UXS1: variants seen among roughly 807,000 people sequenced by gnomAD.
The protein encoded by UXS1 is UDP-glucuronic acid decarboxylase 1.
In UXS1, 33 loss-of-function variants were observed where a neutral mutation model predicts 62.6. The ratio of observed to expected loss-of-function variants is 0.53; its 90% CI spans 0.40 to 0.70. The LOEUF (loss-of-function observed/expected upper bound fraction) is 0.70. Ranked by LOEUF, UXS1 falls within the 30% of genes least tolerant of loss-of-function variation. UXS1 has a pLI of 0.00. For synonymous variants in UXS1, 213 were observed against 206.8 expected (o/e 1.03, Z -0.26); for missense variants, 434 against 556.3 (o/e 0.78, Z 2.21).
At position 106,163,720 on chromosome 2, in the gene UXS1, TAATAAC is replaced by T; in HGVS notation, c.187-16_187-11del. The T allele has an allele frequency of 7.0e-7, 1 of 1,422,836 alleles. No individual in the cohort carries two copies. The highest frequency in any genetic ancestry group is 9.3e-7 in the Non-Finnish European group (1 of 1,078,058). 88.1% of individuals were successfully genotyped at this position (1,422,836 alleles called of 1,614,324 possible). On this transcript the variant is annotated splice_polypyrimidine_tract_variant and intron_variant, in intron 3 of 14. Coordinates refer to ENST00000283148, the MANE Select transcript of UXS1 (RefSeq NM_001253875.2). The stretch of plus-strand genomic sequence containing the variant: ...TTAGTGGTTCAACCATCTAGAACAA[TAATAAC>T]AAAAATCAGTTTTAAAGCAAAAACA...
chr2:106,096,926 G>A (rs1292856748), intron 13 of UXS1, 105 bp from the exon 14 acceptor site: 1 of 1,094,114 alleles, frequency 9.1e-7, no homozygotes, highest in African/African-American at 1.6e-5. Flanking sequence ...GTGTGAATAG[G>A]GTGCAGGCGG....
chr2:106,099,403 C>G (rs926247753), intron 12 of UXS1, among the ~76,000 whole-genome samples: 1 of 152,142 alleles, frequency 6.6e-6, no homozygotes, highest in Non-Finnish European at 1.5e-5. Flanking sequence ...CATAAGAGAC[C>G]ACCATAAAGT....
intron 1 of UXS1, among the ~76,000 whole-genome samples, chr2:106,188,739 A>G (rs1168551774): frequency 6.6e-6 from 1 of 152,246 alleles, no homozygotes; most frequent in East Asian, 1.9e-4. Context: ...CACAGAAGGC[A>G]GTGCCCATCC....
chr2:106,181,135 C>T (rs1684216919), intron 1 of UXS1, among the ~76,000 whole-genome samples: 1 of 152,178 alleles, frequency 6.6e-6, no homozygotes, highest in East Asian at 1.9e-4. Context: ...GGGTGGGCTG[C>T]GGAGAGGTCA....
intron 5 of UXS1, among the ~76,000 whole-genome samples, chr2:106,150,307 T>C (rs565934544): frequency 2.6e-5 from 4 of 152,294 alleles, no homozygotes; most frequent in African/African-American, 9.6e-5. Flanking sequence ...GTGCAGACAA[T>C]TGACCCTTTG....
intron 1 of UXS1, among the ~76,000 whole-genome samples, chr2:106,171,435 A>C (rs1183158771): frequency 6.6e-6 from 1 of 152,224 alleles, no homozygotes; most frequent in Non-Finnish European, 1.5e-5. Context: ...GGGAGACTAG[A>C]GGGGAGTCTC....
intron 9 of UXS1, among the ~76,000 whole-genome samples, chr2:106,117,791 T>C (rs1390405210): frequency 6.6e-6 from 1 of 152,204 alleles, no homozygotes; most frequent in Non-Finnish European, 1.5e-5. Context: ...CCCTAGGGCC[T>C]GTCATGCATA....
intron 10 of UXS1, among the ~76,000 whole-genome samples, chr2:106,106,696 G>T (rs1678100347): frequency 6.6e-6 from 1 of 152,174 alleles, no homozygotes; most frequent in Non-Finnish European, 1.5e-5. Flanking sequence ...TGATTCTCTG[G>T]CCTGGCTGAT....
chr2:106,151,630 A>G (rs919624989), intron 5 of UXS1, among the ~76,000 whole-genome samples: 1 of 152,190 alleles, frequency 6.6e-6, no homozygotes, highest in African/African-American at 2.4e-5. Flanking sequence ...AGCGGCACAA[A>G]ACAAACTAAG....
At chr2:106,094,280 G>T in intron 14 of UXS1, 123 bp from the exon 15 acceptor site, 1 of 494,302 alleles carries the variant, frequency 2.0e-6, no homozygotes, top group Non-Finnish European at 2.8e-6. Context: ...TCCTTCAGAG[G>T]AACACTCACA....
At chr2:106,186,216 G>A (rs1391259624) in intron 1 of UXS1, among the ~76,000 whole-genome samples, 1 of 152,172 alleles carries the variant, frequency 6.6e-6, no homozygotes, top group African/African-American at 2.4e-5. Context: ...TCACTCCACA[G>A]ATTGCATACT....
chr2:106,166,967 CAGAG>C (rs977076850), intron 1 of UXS1, among the ~76,000 whole-genome samples: 6 of 152,124 alleles, frequency 3.9e-5, no homozygotes, highest in African/African-American at 1.4e-4. Context: ...AAAGCAAACC[CAGAG>C]AGGTTAAACA....
chr2:106,131,355 G>A (rs1358522627), intron 6 of UXS1, among the ~76,000 whole-genome samples: 1 of 39,430 alleles, frequency 2.5e-5, no homozygotes, highest in African/African-American at 6.9e-5. Context: ...GCCCAGGCTT[G>A]CTTAGGTAAA....
intron 4 of UXS1, chr2:106,159,386 G>T (rs1682717599): frequency 6.6e-6 from 1 of 152,174 alleles, no homozygotes; most frequent in African/African-American, 2.4e-5. Context: ...AGCGTCCCTG[G>T]TAAAACGACT....
At chr2:106,138,876 T>C (rs1680872362) in intron 6 of UXS1, 1 of 985,294 alleles carries the variant, frequency 1.0e-6, no homozygotes, top group African/African-American at 1.7e-5. Context: ...CTCCAGTTCC[T>C]ATCCTAAAAA....
At chr2:106,155,234 A>G (rs893882302) in intron 5 of UXS1, among the ~76,000 whole-genome samples, 2 of 152,222 alleles carry the variant, frequency 1.3e-5, no homozygotes, top group African/African-American at 4.8e-5. Context: ...ACATATTTAA[A>G]GTGTAAAAAT....
intron 4 of UXS1, among the ~76,000 whole-genome samples, chr2:106,158,932 T>C (rs1401340456): frequency 2.0e-5 from 3 of 152,192 alleles, no homozygotes; most frequent in Non-Finnish European, 4.4e-5. Flanking sequence ...TCCTCAGACT[T>C]GGCTTCCATG....
intron 5 of UXS1, 136 bp from the exon 6 acceptor site, chr2:106,145,506 A>G: frequency 8.9e-7 from 1 of 1,125,944 alleles, no homozygotes. Context: ...GGAAGACAGC[A>G]AAGGTTTTAA....
In UXS1 at chr2:106,098,781, A is replaced by T; in HGVS notation, c.985-8T>A. ...GTGTTCTTCTGGGTTCCCCTAAGAA[A>T]GAAACGGTTTCCAGTTATAAGCGTC... On this transcript the variant is annotated splice_polypyrimidine_tract_variant and splice_region_variant and intron_variant, in intron 12 of 14. Coordinates refer to ENST00000283148, the MANE Select transcript of UXS1 (RefSeq NM_001253875.2). 6.2e-7 allele frequency: 1 copy of T among 1,611,068 alleles called. No individual in the cohort carries two copies. Among genetic ancestry groups the T allele is most frequent in the Non-Finnish European group, 8.5e-7 (1 of 1,178,502 alleles).
Sources: allele counts gnomAD v4.1 joint callset (sites outside exome capture counted in the v4.1 genomes callset), GRCh38; gene constraint gnomAD v4.1.1; transcripts MANE v1.5; gene names NCBI Gene and HGNC (gene_info 2026-07-23, HGNC 2026-07-21).